The following TRMT9B variants were observed in gnomAD, a reference collection of about 807,000 sequenced individuals.
The protein encoded by TRMT9B is tRNA methyltransferase 9B (putative).
Under a neutral mutation model 11.5 loss-of-function variants are expected in TRMT9B, and 16 were observed. The observed-to-expected ratio is 1.39, with a 90% CI of 0.94 to 2.11. The LOEUF (loss-of-function observed/expected upper bound fraction) is 2.11, where lower values mean the gene tolerates loss of function less well. Among genes scored for constraint, TRMT9B ranks in the 30% most tolerant of loss-of-function variants. The pLI, the probability that TRMT9B is intolerant of heterozygous loss-of-function variation, is 0.00. For synonymous variants in TRMT9B, 274 were observed against 192.4 expected (o/e 1.42, Z -3.51); for missense variants, 941 against 553.8 (o/e 1.70, Z -7.02).
At chr8:12,967,828 C>A (rs1333392156) in intron 1 of TRMT9B, among the ~76,000 whole-genome samples, 2 of 152,188 alleles carry the variant, frequency 1.3e-5, no homozygotes, top group African/African-American at 4.8e-5. Flanking sequence ...TTAATTTTCC[C>A]ATGTCTTTGG....
intron 1 of TRMT9B, among the ~76,000 whole-genome samples, chr8:12,984,954 T>TAC (rs112248064): frequency 0.15 from 20,452 of 135,766 alleles, 1,451 homozygotes; most frequent in East Asian, 0.2. Flanking sequence ...TCCCTCAACA[T>TAC]ACACACACAC....
chr8:13,020,930 A>G, intron 4 of TRMT9B, 78 bp from the exon 5 acceptor site: 1 of 932,092 alleles, frequency 1.1e-6, no homozygotes, highest in East Asian at 2.8e-5. Flanking sequence ...CATCCTTGTT[A>G]TATGGTAAAC....
chr8:12,964,748 G>GTTTA (rs1802592770), intron 1 of TRMT9B, among the ~76,000 whole-genome samples: 1 of 151,524 alleles, frequency 6.6e-6, no homozygotes, highest in Admixed American at 6.6e-5. Flanking sequence ...AATGTTTTTT[G>GTTTA]TTTGTTTGTT....
intron 1 of TRMT9B, among the ~76,000 whole-genome samples, chr8:12,946,954 C>A (rs1800299062): frequency 6.6e-6 from 1 of 152,098 alleles, no homozygotes; most frequent in African/African-American, 2.4e-5. Flanking sequence ...AGCAGCTACA[C>A]ACTTTCTAGC....
At chr8:12,981,311 C>CT (rs1805342497) in intron 1 of TRMT9B, among the ~76,000 whole-genome samples, 1 of 152,208 alleles carries the variant, frequency 6.6e-6, no homozygotes, top group Non-Finnish European at 1.5e-5. Context: ...TGGCTGGCTA[C>CT]TTCAAATGGT....
At chr8:12,953,032 C>A (rs1465929644) in intron 1 of TRMT9B, among the ~76,000 whole-genome samples, 3 of 152,124 alleles carry the variant, frequency 2.0e-5, no homozygotes, top group African/African-American at 7.2e-5. Flanking sequence ...GCCACCGGGC[C>A]CGGCTGATTC....
At chr8:12,977,898 A>G (rs1334395315) in intron 1 of TRMT9B, among the ~76,000 whole-genome samples, 1 of 151,838 alleles carries the variant, frequency 6.6e-6, no homozygotes, top group Non-Finnish European at 1.5e-5. Context: ...GTGCCGTGGC[A>G]TGTGCCTTTA....
intron 1 of TRMT9B, among the ~76,000 whole-genome samples, chr8:12,961,033 C>G (rs998938333): frequency 2.0e-5 from 3 of 151,878 alleles, no homozygotes; most frequent in African/African-American, 7.3e-5. Flanking sequence ...CCCAGCTACT[C>G]GGGAGGCTGA....
chr8:12,972,573 T>C (rs1330188522), intron 1 of TRMT9B, among the ~76,000 whole-genome samples: 1 of 152,094 alleles, frequency 6.6e-6, no homozygotes, highest in African/African-American at 2.4e-5. Context: ...ACCCTGTCCT[T>C]CCAGGCTCCC....
chr8:12,990,765 C>T (rs1007331877), intron 1 of TRMT9B, 69 bp from the exon 2 acceptor site: 1 of 1,051,046 alleles, frequency 9.5e-7, no homozygotes, highest in Non-Finnish European at 1.3e-6. Flanking sequence ...GGAAGTCAGC[C>T]TGGGCTGTAG....
At chr8:12,972,156 A>G (rs1305391928) in intron 1 of TRMT9B, among the ~76,000 whole-genome samples, 5 of 152,304 alleles carry the variant, frequency 3.3e-5, no homozygotes, top group African/African-American at 7.2e-5. Flanking sequence ...CAAAGAGGGA[A>G]CAAATGAGGC....
At chr8:13,012,901 A>G (rs1585372368) in intron 4 of TRMT9B, 44 bp downstream of exon 4, 1 of 1,602,600 alleles carries the variant, frequency 6.2e-7, no homozygotes, top group East Asian at 2.2e-5. Flanking sequence ...CATGAGAATA[A>G]TTGACCCGGT....
chr8:13,010,919 C>G, intron 3 of TRMT9B: 1 of 926,744 alleles, frequency 1.1e-6, no homozygotes, highest in Non-Finnish European at 1.3e-6. Flanking sequence ...GCTACGAGAT[C>G]AAAGAAATAA....
rs913388628 is a variant in TRMT9B at position 13,025,308 on chromosome 8, C to G, written c.*3264C>G. On this transcript the variant is annotated 3_prime_UTR_variant, in exon 5 of 5. Transcript: ENST00000524591. ...CTGAGGTGGGTGGATCAGCTGAGGT[C>G]AGGAGTTTGAGACCAGCCTGACCAA... The G allele has an allele frequency of 6.0e-6, 1 of 166,484 alleles. No homozygotes were observed. Among genetic ancestry groups the G allele is most frequent in the Non-Finnish European group, 1.5e-5 (1 of 68,208 alleles). 10.3% of individuals were successfully genotyped at this position (166,484 alleles called of 1,614,324 possible).
intron 1 of TRMT9B, among the ~76,000 whole-genome samples, chr8:12,956,474 A>G (rs1585070600): frequency 6.6e-6 from 1 of 152,240 alleles, no homozygotes; most frequent in Non-Finnish European, 1.5e-5. Flanking sequence ...GCCTCTGCAT[A>G]CGGTACTAAT....
intron 1 of TRMT9B, among the ~76,000 whole-genome samples, chr8:12,963,291 G>C (rs1563319736): frequency 1.3e-5 from 2 of 152,092 alleles, no homozygotes; most frequent in South Asian, 4.1e-4. Flanking sequence ...AAATTAGCCT[G>C]GTGTGGTGGC....
At chr8:12,999,963 A>C (rs1053510316) in intron 2 of TRMT9B, among the ~76,000 whole-genome samples, 4 of 152,226 alleles carry the variant, frequency 2.6e-5, no homozygotes, top group African/African-American at 9.6e-5. Context: ...ATATGGTAAC[A>C]AGTTGTCATC....
At position 13,024,672 on chromosome 8, in the gene TRMT9B, G is replaced by C. The variant is rs931269166; in HGVS notation, c.*2628G>C. 6.0e-6 allele frequency: 1 copy of C among 167,038 alleles called. No homozygotes were observed. Among genetic ancestry groups the C allele is most frequent in the Non-Finnish European group, 1.5e-5 (1 of 68,124 alleles). The allele number at this position is 167,038 out of a possible 1,614,324, so 10.3% of individuals were successfully genotyped here. On this transcript the variant is annotated 3_prime_UTR_variant, in exon 5 of 5. Transcript: ENST00000524591. ...CTCTTAGATGTGCACACACCACTTT[G>C]TATGAAAGGGTTCTCTAGAACGGTT... is the stretch of plus-strand genomic sequence containing the variant.
intron 1 of TRMT9B, among the ~76,000 whole-genome samples, chr8:12,981,792 T>C (rs2128873516): frequency 6.6e-6 from 1 of 151,980 alleles, no homozygotes; most frequent in South Asian, 2.1e-4. Context: ...GAGACAAGAA[T>C]CTCATTAAGT....
Sources: allele counts gnomAD v4.1 joint callset (sites outside exome capture counted in the v4.1 genomes callset), GRCh38; gene constraint gnomAD v4.1.1; transcripts MANE v1.5; gene names NCBI Gene and HGNC (gene_info 2026-07-23, HGNC 2026-07-21).